Variants in INPP4B observed in about 807,000 individuals in gnomAD.
INPP4B encodes the protein inositol polyphosphate-4-phosphatase type II B.
A neutral mutation model predicts 122.5 loss-of-function variants in INPP4B; 55 were observed. That is an observed-to-expected ratio of 0.45 (90% CI 0.36 to 0.56). The LOEUF (loss-of-function observed/expected upper bound fraction) is 0.56, where lower values mean the gene tolerates loss of function less well. INPP4B is among the 20% of genes least tolerant of loss of function. The pLI is 0.00. For missense variants in INPP4B, 1,000 were observed against 1,097.7 expected (o/e 0.91, Z 1.26); for synonymous variants, 403 against 388.7 (o/e 1.04, Z -0.43).
chr4:142,275,414 G>A lies in INPP4B; in HGVS notation c.504-4640C>T, dbSNP rs990731843. Among the ~76,000 whole-genome samples, 6 of 151,650 alleles carry A rather than the reference G, an allele frequency of 4.0e-5. 1 individual carries two copies. Among genetic ancestry groups the A allele is most frequent in the African/African-American group, 1.5e-4 (6 of 41,344 alleles). On this transcript the variant is annotated intron_variant, in intron 9 of 25. Transcript: ENST00000262992. ...GCCTTTGTGAATATAAAGTAGTTCTGGTACTATGCACAGGAGTCTTCAGCT... is the reference window on the plus strand; with the variant it reads ...GCCTTTGTGAATATAAAGTAGTTCTAGTACTATGCACAGGAGTCTTCAGCT...
intron 23 of INPP4B, chr4:142,096,240 A>T (rs1781734603): frequency 6.6e-6 from 1 of 152,194 alleles, no homozygotes; most frequent in Non-Finnish European, 1.5e-5. Context: ...AGCCTCAGTG[A>T]AGAGAAAATA....
intron 1 of INPP4B, among the ~76,000 whole-genome samples, chr4:142,833,627 C>A (rs1027493445): frequency 9.9e-5 from 15 of 151,654 alleles, no homozygotes; most frequent in Admixed American, 3.3e-4. Context: ...AGATAGAATA[C>A]AATGATTTTT....
chr4:142,173,892 A>G, intron 15 of INPP4B, 83 bp from the exon 16 acceptor site: 1 of 1,053,860 alleles, frequency 9.5e-7, no homozygotes, highest in Non-Finnish European at 1.5e-6. Flanking sequence ...AATGATAAAC[A>G]GAACTCCAAG....
intron 11 of INPP4B, among the ~76,000 whole-genome samples, chr4:142,240,150 G>T: frequency 6.9e-6 from 1 of 145,406 alleles, no homozygotes; most frequent in Non-Finnish European, 1.5e-5. Context: ...TGATCTTCCT[G>T]TCTCATCCTC....
chr4:142,518,929 A>G (rs1825747077), intron 2 of INPP4B: 1 of 152,232 alleles, frequency 6.6e-6, no homozygotes, highest in Non-Finnish European at 1.5e-5. Context: ...GCCACTCCTG[A>G]ATTCTGGATC....
chr4:142,711,726 C>T (rs1442770434), intron 2 of INPP4B, among the ~76,000 whole-genome samples: 1 of 152,074 alleles, frequency 6.6e-6, no homozygotes, highest in Non-Finnish European at 1.5e-5. Context: ...GAGGACAGAG[C>T]CTTTATGGAT....
At position 142,376,340 on chromosome 4, in the gene INPP4B, G is replaced by A. The variant is rs545724457; in HGVS notation, c.372+26598C>T. On this transcript the variant is annotated intron_variant, in intron 7 of 25. Transcript: ENST00000262992. ...AAACATGGCTTTGTTCCTCTCAGAT[G>A]TCAGTTCTTCTACACTGAAGTCACA... 4.6e-5 allele frequency among the ~76,000 whole-genome samples: 7 copies of A among 152,058 alleles called. No individual in the cohort carries two copies. In the South Asian group the frequency reaches 1.5e-3, roughly 32 times the overall value.
At chr4:142,087,466 T>G (rs1334346854) in intron 23 of INPP4B, among the ~76,000 whole-genome samples, 2 of 152,138 alleles carry the variant, frequency 1.3e-5, no homozygotes, top group African/African-American at 4.8e-5. Flanking sequence ...AATATTATAG[T>G]GATAGAAACA....
intron 1 of INPP4B, among the ~76,000 whole-genome samples, chr4:142,832,864 T>A (rs1782330254): frequency 6.6e-6 from 1 of 152,176 alleles, no homozygotes; most frequent in Admixed American, 6.5e-5. Flanking sequence ...CCAATCATTT[T>A]TAAGTCAAGT....
intron 15 of INPP4B, among the ~76,000 whole-genome samples, chr4:142,187,554 G>T (rs1833705162): frequency 6.6e-6 from 1 of 151,080 alleles, no homozygotes; most frequent in Non-Finnish European, 1.5e-5. Context: ...ATATACATTT[G>T]CATACCATAT....
chr4:142,305,662 T>C (rs755031149), intron 8 of INPP4B, 125 bp from the exon 9 acceptor site: 140 of 1,483,164 alleles, frequency 9.4e-5, no homozygotes, highest in Non-Finnish European at 1.4e-5. Flanking sequence ...TGACAAATAT[T>C]TCAGTAACAG....
chr4:142,536,189 T>G (rs1828172378), intron 2 of INPP4B, among the ~76,000 whole-genome samples: 1 of 152,214 alleles, frequency 6.6e-6, no homozygotes, highest in Non-Finnish European at 1.5e-5. Context: ...TTCCCAATTA[T>G]CTGTATAAGA....
chr4:142,516,341 G>A (rs192212850), intron 2 of INPP4B, among the ~76,000 whole-genome samples: 22 of 152,250 alleles, frequency 1.4e-4, no homozygotes, highest in Admixed American at 4.6e-4. Flanking sequence ...TACAGGATAC[G>A]GGATTTAATA....
intron 2 of INPP4B, among the ~76,000 whole-genome samples, chr4:142,651,673 A>G (rs1247924858): frequency 6.6e-6 from 1 of 152,326 alleles, no homozygotes; most frequent in Non-Finnish European, 1.5e-5. Flanking sequence ...TAAACCAGGA[A>G]GAAATCGAAT....
intron 18 of INPP4B, among the ~76,000 whole-genome samples, chr4:142,128,342 TACACACACACAC>T (rs3836673): frequency 0.029 from 4,235 of 147,500 alleles, 161 homozygotes; most frequent in African/African-American, 0.088. Flanking sequence ...CGTACTTTTA[TACACACACACAC>T]ACACACACAC....
rs191688588 is a variant in INPP4B, at chr4:142,469,557, A to G, written c.-190-6831T>C. On this transcript the variant is annotated intron_variant, in intron 2 of 25. Transcript: ENST00000262992. ...CTAGATCATAAAGAATATTCTGAAT[A>G]TTAATAAAATGTTTTGCTCTAATGA... 7.9e-5 allele frequency among the ~76,000 whole-genome samples: 12 copies of G among 152,276 alleles called. No homozygotes were observed. The East Asian group carries it at 2.1e-3, about 27-fold the overall frequency.
intron 23 of INPP4B, among the ~76,000 whole-genome samples, chr4:142,100,135 G>GT (rs1783852072): frequency 1.3e-5 from 2 of 152,104 alleles, no homozygotes; most frequent in South Asian, 4.1e-4. Flanking sequence ...CCTCATTTCT[G>GT]TATGTACCAT....
chr4:142,620,778 A>G (rs1396710254), intron 2 of INPP4B, among the ~76,000 whole-genome samples: 1 of 152,020 alleles, frequency 6.6e-6, no homozygotes, highest in African/African-American at 2.4e-5. Context: ...GATTTTGTTC[A>G]AGTTTTTAAT....
chr4:142,109,028 C>A (rs942927659), intron 22 of INPP4B, among the ~76,000 whole-genome samples: 19 of 152,074 alleles, frequency 1.2e-4, no homozygotes, highest in Non-Finnish European at 2.2e-4. Context: ...TAAGCATGTC[C>A]CCAATATTTT....
Sources: gnomAD v4.1 joint callset for allele counts (sites outside exome capture counted in the v4.1 genomes callset) on GRCh38, gnomAD v4.1.1 for gene constraint, MANE v1.5 for transcripts, NCBI Gene and HGNC (gene_info 2026-07-23, HGNC 2026-07-21) for gene names.